SLC44A1: variants seen among roughly 807,000 people sequenced by gnomAD.
SLC44A1 encodes choline transporter-like protein 1.
SLC44A1 carries 26 observed loss-of-function variants against 79.3 expected under a neutral mutation model. The observed-to-expected ratio is 0.33, with a 90% CI of 0.24 to 0.46. The LOEUF is 0.46. Ranked by LOEUF, SLC44A1 falls within the 20% of genes least tolerant of loss-of-function variation. The pLI is 1.00. For synonymous variants in SLC44A1, 263 were observed against 286.2 expected (o/e 0.92, Z 0.82); for missense variants, 688 against 798.1 (o/e 0.86, Z 1.66).
chr9:105,250,559 T>C (rs1318211539), intron 1 of SLC44A1, among the ~76,000 whole-genome samples: 1 of 152,220 alleles, frequency 6.6e-6, no homozygotes, highest in Admixed American at 6.5e-5. Context: ...CTATAGGGGA[T>C]ATATGAGATA....
chr9:105,278,409 C>T (rs934207657), intron 1 of SLC44A1, among the ~76,000 whole-genome samples: 20 of 152,258 alleles, frequency 1.3e-4, no homozygotes, highest in South Asian at 2.1e-4. Flanking sequence ...CCACCACGCC[C>T]GGTTAATTTT....
chr9:105,257,573 A>G (rs1829741240), intron 1 of SLC44A1, among the ~76,000 whole-genome samples: 2 of 152,166 alleles, frequency 1.3e-5, no homozygotes, highest in Non-Finnish European at 2.9e-5. Context: ...CAAAGAGAGA[A>G]ACAAACATAA....
intron 5 of SLC44A1, among the ~76,000 whole-genome samples, chr9:105,352,604 G>A (rs1210023326): frequency 6.6e-6 from 1 of 152,138 alleles, no homozygotes; most frequent in East Asian, 1.9e-4. Context: ...TTGGTGGAAG[G>A]TAGAAAAACT....
At chr9:105,296,871 G>A (rs918119424) in intron 1 of SLC44A1, among the ~76,000 whole-genome samples, 1 of 152,136 alleles carries the variant, frequency 6.6e-6, no homozygotes. Flanking sequence ...CCACAAAAGT[G>A]CGTTCTTGAT....
chr9:105,288,426 G>A (rs1830526233), intron 1 of SLC44A1, among the ~76,000 whole-genome samples: 1 of 152,106 alleles, frequency 6.6e-6, no homozygotes, highest in Admixed American at 6.5e-5. Flanking sequence ...ACGGCCCACT[G>A]CAGCCTCCAT....
chr9:105,414,828 C>T (rs1181883170), intron 15 of SLC44A1, among the ~76,000 whole-genome samples: 1 of 152,050 alleles, frequency 6.6e-6, no homozygotes, highest in African/African-American at 2.4e-5. Context: ...AAAAAAAAAC[C>T]ATAGGAATAA....
intron 15 of SLC44A1, among the ~76,000 whole-genome samples, chr9:105,424,948 C>CAAAAAAAAAAAAA (rs200345209): frequency 5.2e-5 from 5 of 96,170 alleles, no homozygotes; most frequent in African/African-American, 1.9e-4. Context: ...GACTCCATCT[C>CAAAAAAAAAAAAA]AAAAAAAAAA....
chr9:105,318,441 A>C (rs1826274060), intron 3 of SLC44A1, among the ~76,000 whole-genome samples: 2 of 152,128 alleles, frequency 1.3e-5, no homozygotes, highest in Admixed American at 1.3e-4. Context: ...CAGCCTCCCA[A>C]AGTGCTGGGA....
At chr9:105,430,225 A>G (rs1829375297) in intron 15 of SLC44A1, among the ~76,000 whole-genome samples, 1 of 152,220 alleles carries the variant, frequency 6.6e-6, no homozygotes, top group Non-Finnish European at 1.5e-5. Context: ...GAGCTCAATC[A>G]TCTATTACTA....
At chr9:105,290,497 G>C (rs1356380819) in intron 1 of SLC44A1, among the ~76,000 whole-genome samples, 1 of 152,224 alleles carries the variant, frequency 6.6e-6, no homozygotes, top group Non-Finnish European at 1.5e-5. Context: ...GGCAAGGCTT[G>C]TCTGTATAAT....
Position 105,261,546 on chromosome 9 carries a change from T to C in SLC44A1, c.36+16642T>C, listed in dbSNP as rs1474852657. Among the ~76,000 whole-genome samples the C allele has an allele frequency of 3.3e-5, 5 of 152,100 alleles. No homozygotes were observed. In the East Asian group the frequency reaches 9.7e-4, roughly 29 times the overall value. ...AAAGGGAAGATGCTGAAAAGTAAAA[T>C]AAAAGAACCGAGAATATCGGTAGAA... On this transcript the variant is annotated intron_variant, in intron 1 of 15. Transcript: ENST00000374720.
rs1433488464 is a variant in SLC44A1, at chr9:105,394,646, A to G, written c.*5590A>G. 2.0e-6 allele frequency: 2 copies of G among 985,110 alleles called. No homozygotes were observed. The highest frequency in any genetic ancestry group is 3.5e-5 in the African/African-American group (2 of 57,238). The allele number at this position is 985,110 out of a possible 1,614,324, so 61.0% of individuals were successfully genotyped here. ...TGTGGCTTAGTGTTATCAGTATACT[A>G]CTGTCTTAAAATATATTTGTCAACA... On this transcript the variant is annotated 3_prime_UTR_variant, in exon 16 of 16. Coordinates refer to ENST00000374720, the MANE Select transcript of SLC44A1 (RefSeq NM_080546.5).
At chr9:105,404,086 A>T (rs576183420) in intron 15 of SLC44A1, among the ~76,000 whole-genome samples, 23 of 152,098 alleles carry the variant, frequency 1.5e-4, no homozygotes, top group African/African-American at 5.5e-4. Flanking sequence ...ATACCATGTG[A>T]TTCAGAATGA....
At chr9:105,267,446 C>T (rs1829987222) in intron 1 of SLC44A1, among the ~76,000 whole-genome samples, 3 of 151,996 alleles carry the variant, frequency 2.0e-5, no homozygotes, top group Admixed American at 6.6e-5. Context: ...TTTTTCCCCC[C>T]ATTTCTTCCC....
intron 10 of SLC44A1, 73 bp from the exon 11 acceptor site, chr9:105,365,410 T>G (rs1827908076): frequency 1.6e-6 from 2 of 1,246,260 alleles, no homozygotes; most frequent in Admixed American, 2.1e-5. Context: ...TGCGTTGGAC[T>G]CTAAACCATA....
chr9:105,403,624 G>T (rs1349863125), intron 15 of SLC44A1, among the ~76,000 whole-genome samples: 1 of 148,802 alleles, frequency 6.7e-6, no homozygotes, highest in East Asian at 2.0e-4. Context: ...AAGCAAAGGA[G>T]TAAGCAGATG....
At position 105,393,909 on chromosome 9, in the gene SLC44A1, T is replaced by C. The variant is rs1828820575; in HGVS notation, c.*4853T>C. The C allele has an allele frequency of 1.2e-5, 12 of 984,904 alleles. No homozygotes were observed. The highest frequency in any genetic ancestry group is 1.2e-5 in the Non-Finnish European group (10 of 829,544). The allele number at this position is 984,904 out of a possible 1,614,324, so 61.0% of individuals were successfully genotyped here. On this transcript the variant is annotated 3_prime_UTR_variant, in exon 16 of 16. Transcript: ENST00000374720. The stretch of plus-strand genomic sequence containing the variant: ...GGTCTAGTGAAGATCTAGTTGAACA[T>C]GGAAACATTGTAATTTACAAATGTC...
intron 13 of SLC44A1, among the ~76,000 whole-genome samples, chr9:105,375,507 A>G (rs933792059): frequency 1.3e-5 from 2 of 152,192 alleles, no homozygotes; most frequent in Non-Finnish European, 2.9e-5. Context: ...CAGTTTGCTC[A>G]TCTGTAAAAT....
At position 105,392,077 on chromosome 9, in the gene SLC44A1, T is replaced by C. The variant is rs1828774080; in HGVS notation, c.*3021T>C. ...GTGTAAATCCAAGAGACCCATCTTC[T>C]ATGAGAGGCTTACCAGTGCATTAGT... is the stretch of plus-strand genomic sequence containing the variant. On this transcript the variant is annotated 3_prime_UTR_variant, in exon 16 of 16. Transcript: ENST00000374720. 5.1e-6 allele frequency: 5 copies of C among 985,358 alleles called. No homozygotes were observed. Among genetic ancestry groups the C allele is most frequent in the Non-Finnish European group, 6.0e-6 (5 of 829,860 alleles). 61.0% of individuals were successfully genotyped at this position (985,358 alleles called of 1,614,324 possible). A position where few individuals can be genotyped will look rare whatever the true frequency, so the allele number is the denominator to read the frequency against.
Sources: allele counts gnomAD v4.1 joint callset (sites outside exome capture counted in the v4.1 genomes callset), GRCh38; gene constraint gnomAD v4.1.1; transcripts MANE v1.5; gene names NCBI Gene and HGNC (gene_info 2026-07-23, HGNC 2026-07-21).